The following ALS2CL variants were observed in gnomAD, a reference collection of about 807,000 sequenced individuals.
ALS2CL encodes ALS2 C-terminal-like protein.
A neutral mutation model predicts 127.9 loss-of-function variants in ALS2CL; 112 were observed. The ratio of observed to expected loss-of-function variants is 0.88; its 90% confidence interval spans 0.75 to 1.02. The LOEUF (loss-of-function observed/expected upper bound fraction) is 1.02, where lower values mean the gene tolerates loss of function less well. Among genes scored for constraint, ALS2CL ranks in the 50% least tolerant of loss-of-function variants. The pLI is 0.00. For synonymous variants in ALS2CL, 519 were observed against 527.6 expected, an observed-to-expected ratio of 0.98 and a Z score of 0.22; for missense variants, 1,174 against 1,236.7, an observed-to-expected ratio of 0.95 and a Z score of 0.76.
rs1235419810 is a variant in ALS2CL at position 46,681,994 on chromosome 3, G to A, written c.1175+35C>T. The A allele has an allele frequency of 6.2e-7, 1 of 1,610,110 alleles. No homozygotes were observed. Among genetic ancestry groups the A allele is most frequent in the East Asian group, 2.2e-5 (1 of 44,818 alleles). ...GGAGGAAAGCACCCTTCAGCCCACT[G>A]CACGCCTCCCAGCAGTAGCCCCAGC... is the stretch of plus-strand genomic sequence containing the variant. On this transcript the variant is annotated intron_variant, in intron 11 of 25. Coordinates refer to ENST00000318962, the MANE Select transcript of ALS2CL (RefSeq NM_147129.5). The surrounding 1 kb of genome is among the most constrained non-coding windows in gnomAD (Gnocchi z 4.9).
At chr3:46,689,607 A>C in intron 1 of ALS2CL, 142 bp from the exon 2 acceptor site, 1 of 594,730 alleles carries the variant, frequency 1.7e-6, no homozygotes, top group East Asian at 3.0e-5. Flanking sequence ...CTCAAAGGGG[A>C]GTTCCTGGAC....
In ALS2CL at chr3:46,670,815, C is replaced by A; in HGVS notation, c.*169G>T. The A allele has an allele frequency of 1.5e-6, 1 of 679,738 alleles. No homozygotes were observed. Among genetic ancestry groups the A allele is most frequent in the Non-Finnish European group, 2.5e-6 (1 of 397,910 alleles). 42.1% of individuals were successfully genotyped at this position (679,738 alleles called of 1,614,324 possible). A position where few individuals can be genotyped will look rare whatever the true frequency, so the allele number is the denominator to read the frequency against. On this transcript the variant is annotated 3_prime_UTR_variant, in exon 26 of 26. Coordinates refer to ENST00000318962, the MANE Select transcript of ALS2CL (RefSeq NM_147129.5). This position sits in a 1 kb window ranked among gnomAD's most constrained non-coding sequence, Gnocchi z 5.5. ...ACATCCAGGGCCACACCCGTCACCC[C>A]TCACCCTCATCCCAGTCAGGGCAGC... is the stretch of plus-strand genomic sequence containing the variant.
chr3:46,685,763 G>T, intron 6 of ALS2CL, 119 bp from the exon 7 acceptor site: 3 of 1,400,402 alleles, frequency 2.1e-6, no homozygotes, highest in Non-Finnish European at 2.9e-6. Flanking sequence ...CAGTAGACCT[G>T]GAGCGGACCC....
chr3:46,676,379 G>C lies in ALS2CL; in HGVS notation c.2052C>G (p.Pro684=). 1 of 1,613,918 alleles carries C rather than the reference G, an allele frequency of 6.2e-7. No homozygotes were observed. Among genetic ancestry groups the C allele is most frequent in the Non-Finnish European group, 8.5e-7 (1 of 1,179,986 alleles). ...TCAGTGTCCGGAGCAGCTTTCCCAG[G>C]GGGTGCAGTGAGTTGCTCAGAGCCT... The part of the protein sequence containing the change: ...LRKALSNSLH[P]LGKLLRTLML... The change falls in exon 19 of 26, where the codon CCC becomes CCG. Residue 684 remains proline, a synonymous_variant. Transcript: ENST00000318962.
At position 46,676,853 on chromosome 3, in the gene ALS2CL, C is replaced by G. The variant is rs761419445; in HGVS notation, c.1927G>C (p.Glu643Gln). 7 of 1,607,384 alleles carry G rather than the reference C, an allele frequency of 4.4e-6. 1 individual carries two copies. The South Asian group carries it at 7.7e-5, about 18-fold the overall frequency. ...TGCTCACACAGCCGGCCTCACCTCT[C>G]GCAGGACAGGTAATCCTGAGACCTA... is the stretch of plus-strand genomic sequence containing the variant. Reference protein sequence around the residue: ...LRRSQDYLSCERTHPEDSVGS... With the variant: ...LRRSQDYLSCQRTHPEDSVGS... The change falls in exon 17 of 26, where the codon GAG (glutamate) becomes CAG (glutamine). Residue 643 changes from glutamate (E) to glutamine (Q), a missense_variant. Transcript: ENST00000318962.
In ALS2CL at chr3:46,679,330, G is replaced by A. The variant is rs1329630009; in HGVS notation, c.1549-43C>T. The A allele has an allele frequency of 2.7e-6, 4 of 1,487,012 alleles. No homozygotes were observed. The Admixed American group carries it at 7.8e-5, about 29-fold the overall frequency. The allele number at this position is 1,487,012 out of a possible 1,614,324, so 92.1% of individuals were successfully genotyped here. On this transcript the variant is annotated intron_variant, in intron 14 of 25. Transcript: ENST00000318962. Reference sequence around the variant, plus strand: ...AGGGAGGGTAGAAAGGGTGGGTGAGGAAGGGCCAGGAAACTCAGGGTGGAG... The same window carrying A: ...AGGGAGGGTAGAAAGGGTGGGTGAGAAAGGGCCAGGAAACTCAGGGTGGAG...
chr3:46,675,676 G>T lies in ALS2CL; in HGVS notation c.2197C>A (p.Arg733=). The T allele has an allele frequency of 6.2e-7, 1 of 1,613,596 alleles. No individual in the cohort carries two copies. The highest frequency in any genetic ancestry group is 1.1e-5 in the South Asian group (1 of 91,074). The stretch of plus-strand genomic sequence containing the variant: ...TGGCCCTTGCGCTCTAAGGCAACTC[G>T]CAGCAGACCCCTGTGAGTCAATGAG... ...ELWAAYRGLL[R]VALERKGQAL... The change falls in exon 20 of 26, where the codon CGA becomes AGA. Residue 733 remains arginine (R), a synonymous_variant. Coordinates refer to ENST00000318962, the MANE Select transcript of ALS2CL (RefSeq NM_147129.5).
chr3:46,676,431 G>A, intron 18 of ALS2CL, 29 bp from the exon 19 acceptor site: 1 of 1,612,660 alleles, frequency 6.2e-7, no homozygotes, highest in South Asian at 1.1e-5. Flanking sequence ...AACAGAGAGA[G>A]ACTAAGCACT....
Position 46,672,140 on chromosome 3 carries a change from A to G in ALS2CL, c.2534T>C (p.Met845Thr), listed in dbSNP as rs759965651. The change falls in exon 23 of 26, where the codon ATG becomes ACG. Residue 845 changes from methionine (M) to threonine (T), a missense_variant and splice_region_variant. Coordinates refer to ENST00000318962, the MANE Select transcript of ALS2CL (RefSeq NM_147129.5). ...CCAACCCACTACGGCTCACACTCAC[A>G]TGATCTTCTGCAGGCACTCGGTGGC... ...LSATECLQKIMTTVDPREKLE... is the reference protein window; with the variant it reads ...LSATECLQKITTTVDPREKLE... 1 of 1,613,922 alleles carries G rather than the reference A, an allele frequency of 6.2e-7. No homozygotes were observed. The highest frequency in any genetic ancestry group is 8.5e-7 in the Non-Finnish European group (1 of 1,179,980).
At position 46,669,216 on chromosome 3, in the gene ALS2CL, G is replaced by C. The variant is rs1186792468; in HGVS notation, c.*1768C>G. 1 of 151,962 alleles carries C rather than the reference G, an allele frequency of 6.6e-6. No homozygotes were observed. Among genetic ancestry groups the C allele is most frequent in the African/African-American group, 2.4e-5 (1 of 41,336 alleles). The allele number at this position is 151,962 out of a possible 1,614,324, so 9.4% of individuals were successfully genotyped here. A position where few individuals can be genotyped will look rare whatever the true frequency, so the allele number is the denominator to read the frequency against. The stretch of plus-strand genomic sequence containing the variant: ...CAGCTAATTATTTTATTTTGTATTT[G>C]TAGAGACAGGGTCTCACTATGTTGC... On this transcript the variant is annotated 3_prime_UTR_variant, in exon 26 of 26. Coordinates refer to ENST00000318962, the MANE Select transcript of ALS2CL (RefSeq NM_147129.5).
At chr3:46,683,921 G>T in intron 8 of ALS2CL, 68 bp downstream of exon 8, 1 of 1,613,320 alleles carries the variant, frequency 6.2e-7, no homozygotes, top group Non-Finnish European at 8.5e-7. Flanking sequence ...CAGAGTCCCA[G>T]GGTGTGGGCA....
At chr3:46,683,356 A>T in intron 9 of ALS2CL, 30 bp from the exon 10 acceptor site, 1 of 1,557,642 alleles carries the variant, frequency 6.4e-7, no homozygotes, top group Non-Finnish European at 8.7e-7. Flanking sequence ...GGGGAAGGGG[A>T]TCACTGCTGC....
rs374597694 is a variant in ALS2CL at position 46,683,225 on chromosome 3, G to A, written c.1014C>T (p.Pro338=). The A allele has an allele frequency of 5.5e-5, 88 of 1,608,186 alleles. 1 individual carries two copies. Among genetic ancestry groups the A allele is most frequent in the Admixed American group, 3.1e-4 (18 of 58,574 alleles). Residue 338 remains proline (P), a synonymous_variant, in exon 10 of 26, where the codon CCC becomes CCT. Coordinates refer to ENST00000318962, the MANE Select transcript of ALS2CL (RefSeq NM_147129.5). ...AGGTATATTCTGCGCAGCGGCAGTC[G>A]GGAGGCTGGGAGGGCTCCAGGCCAG... ...LGAGLEPSQP[P]DCRCAEYTFQ... is the part of the protein sequence containing the mutation.
chr3:46,678,412 G>C, intron 15 of ALS2CL, 23 bp from the exon 16 acceptor site: 1 of 1,605,396 alleles, frequency 6.2e-7, no homozygotes, highest in Non-Finnish European at 8.5e-7. Flanking sequence ...AGAAGGAGCA[G>C]GGATGTCTGT....
rs138023761 is a variant in ALS2CL, at chr3:46,688,159, T to C, written c.241A>G (p.Thr81Ala). The change falls in exon 3 of 26, where the codon ACC becomes GCC. Residue 81 changes from threonine to alanine, a missense_variant. By Grantham distance (58) the Thr-to-Ala change is moderately conservative. Transcript: ENST00000318962. Reference sequence around the variant, plus strand: ...AGCAGCAGCAGGGACTCCAGACCGGTGGAGTCCGGGTAACGCAGCCTCTCC... The same window carrying C: ...AGCAGCAGCAGGGACTCCAGACCGGCGGAGTCCGGGTAACGCAGCCTCTCC... ...LQERLRYPDS[T>A]GLESLLLLRG... 441 of 1,612,960 alleles carry C rather than the reference T, an allele frequency of 2.7e-4. No homozygotes were observed. Among genetic ancestry groups the C allele is most frequent in the Admixed American group, 3.8e-4 (23 of 60,012 alleles).
At position 46,688,297 on chromosome 3, in the gene ALS2CL, C is replaced by A. The variant is rs1486309369; in HGVS notation, c.104-1G>T. On this transcript the variant is annotated splice_acceptor_variant, in intron 2 of 25. Transcript: ENST00000318962. LOFTEE classifies it high-confidence loss of function. ...CCCCAGGGATCCGAGGGATCTGGGG[C>A]TGGGGAAGGAGTACAGTCACACTGT... 2.5e-6 allele frequency: 4 copies of A among 1,612,112 alleles called. No homozygotes were observed. Among genetic ancestry groups the A allele is most frequent in the Middle Eastern group, 1.7e-4 (1 of 5,974 alleles).
rs769941028 is a variant in ALS2CL at position 46,676,429 on chromosome 3, G to A, written c.2029-27C>T. The stretch of plus-strand genomic sequence containing the variant: ...TGGGCCAGTGCATAGGCAACAGAGA[G>A]AGACTAAGCACTGGGGTCTGGAGCA... On this transcript the variant is annotated intron_variant, in intron 18 of 25. Transcript: ENST00000318962. 6.8e-6 allele frequency: 11 copies of A among 1,612,678 alleles called. No homozygotes were observed. The Admixed American group carries it at 1.5e-4, about 22-fold the overall frequency.
In ALS2CL at chr3:46,674,547, G is replaced by A. The variant is rs757500542; in HGVS notation, c.2429+19C>T. 8.4e-5 allele frequency: 135 copies of A among 1,604,008 alleles called. No homozygotes were observed. Among genetic ancestry groups the A allele is most frequent in the Middle Eastern group, 6.6e-4 (4 of 6,030 alleles). Reference sequence around the variant, plus strand: ...GTTTGAGTCCTGGCTAACACGGCACGGGGGAAGGGAAGGCTTACTTCTGCA... The same window carrying A: ...GTTTGAGTCCTGGCTAACACGGCACAGGGGAAGGGAAGGCTTACTTCTGCA... On this transcript the variant is annotated intron_variant, in intron 21 of 25. Transcript: ENST00000318962.
chr3:46,672,898 C>T (rs1032487389), intron 22 of ALS2CL, among the ~76,000 whole-genome samples: 1 of 152,084 alleles, frequency 6.6e-6, no homozygotes, highest in Non-Finnish European at 1.5e-5. Flanking sequence ...CCCAGCTACT[C>T]GGGAGGCTGA....
Sources: gnomAD v4.1 joint callset for allele counts (sites outside exome capture counted in the v4.1 genomes callset) on GRCh38, gnomAD v4.1.1 for gene constraint, Gnocchi (gnomAD v3.1) non-coding constraint, MANE v1.5 for transcripts, NCBI Gene and HGNC (gene_info 2026-07-23, HGNC 2026-07-21) for gene names.